Variants in TEK observed in about 807,000 individuals in gnomAD.
TEK encodes the protein TEK receptor tyrosine kinase.
A neutral mutation model predicts 131.8 loss-of-function variants in TEK; 43 were observed. The ratio of observed to expected loss-of-function variants is 0.33; its 90% confidence interval spans 0.26 to 0.42. The LOEUF is 0.42. TEK is among the 10% of genes least tolerant of loss of function. TEK has a pLI of 1.00. For synonymous variants in TEK, 580 were observed against 491.6 expected (o/e 1.18, Z -2.38); for missense variants, 1,162 against 1,384.4 (o/e 0.84, Z 2.55).
At chr9:27,196,515 C>T (rs983327323) in intron 11 of TEK, among the ~76,000 whole-genome samples, 10 of 152,146 alleles carry the variant, frequency 6.6e-5, no homozygotes, top group African/African-American at 2.4e-4. Context: ...TTGTATTAGT[C>T]TGTACTTGCA....
chr9:27,171,472 A>G (rs904884875), intron 4 of TEK, among the ~76,000 whole-genome samples: 1 of 152,194 alleles, frequency 6.6e-6, no homozygotes, highest in Non-Finnish European at 1.5e-5. Context: ...CAGAGTAGGC[A>G]CGTGTATAAT....
At chr9:27,142,214 G>GT (rs1170323478) in intron 1 of TEK, among the ~76,000 whole-genome samples, 1 of 152,218 alleles carries the variant, frequency 6.6e-6, no homozygotes, top group Non-Finnish European at 1.5e-5. Context: ...TGAAAGAGTT[G>GT]TTGACAATAA....
chr9:27,171,319 C>A (rs143668355), intron 4 of TEK, among the ~76,000 whole-genome samples: 2 of 152,260 alleles, frequency 1.3e-5, no homozygotes, highest in African/African-American at 4.8e-5. Flanking sequence ...CTAACGATTG[C>A]CATCTCCAAT....
intron 2 of TEK, among the ~76,000 whole-genome samples, chr9:27,160,323 ACTTT>A (rs1210340070): frequency 6.6e-6 from 1 of 152,112 alleles, no homozygotes; most frequent in Non-Finnish European, 1.5e-5. Context: ...ACCAGGCCTG[ACTTT>A]TAGAAAGCTG....
At chr9:27,166,208 T>C (rs930846041) in intron 2 of TEK, among the ~76,000 whole-genome samples, 1 of 152,260 alleles carries the variant, frequency 6.6e-6, no homozygotes, top group Non-Finnish European at 1.5e-5. Context: ...AGGTGCATTC[T>C]GGTCAGAGAA....
At chr9:27,195,349 TA>T (rs1337663014) in intron 11 of TEK, among the ~76,000 whole-genome samples, 1 of 151,434 alleles carries the variant, frequency 6.6e-6, no homozygotes, top group African/African-American at 2.4e-5. Flanking sequence ...TCTCAACCTT[TA>T]AAAAAAAATG....
At chr9:27,121,463 A>T (rs1342479986) in intron 1 of TEK, among the ~76,000 whole-genome samples, 1 of 149,362 alleles carries the variant, frequency 6.7e-6, no homozygotes, top group Non-Finnish European at 1.5e-5. Flanking sequence ...TTTTTTTTTT[A>T]TTTTATAAAT....
In TEK at chr9:27,109,658, A is replaced by AT. The variant is rs753942631; in HGVS notation, c.52+24dup. The AT allele has an allele frequency of 1.2e-4, 189 of 1,612,426 alleles. No individual in the cohort carries two copies. The highest frequency in any genetic ancestry group is 1.5e-4 in the Non-Finnish European group (177 of 1,178,912). On this transcript the variant is annotated intron_variant, in intron 1 of 22. Transcript: ENST00000380036. ...CTCCTTTCTGGTAAGGTTTGGCTTT[A>AT]TTTTTTTTAATTTAGTATTTTAAAA...
intron 1 of TEK, among the ~76,000 whole-genome samples, chr9:27,116,885 G>C (rs1352609463): frequency 7.7e-6 from 1 of 130,306 alleles, no homozygotes; most frequent in East Asian, 2.1e-4. Context: ...TTTTTGAGTC[G>C]GAGTCTCGCT....
At chr9:27,149,714 C>T (rs541296501) in intron 1 of TEK, among the ~76,000 whole-genome samples, 7 of 152,310 alleles carry the variant, frequency 4.6e-5, no homozygotes, top group East Asian at 3.9e-4. Flanking sequence ...ACTGAGGAGA[C>T]ACTGAATTTT....
rs148524249 is a variant in TEK, at chr9:27,228,471, A to G, written c.3300+166A>G. 3.8e-3 allele frequency among the ~76,000 whole-genome samples: 575 copies of G among 152,280 alleles called. 6 individuals carry two copies. The highest frequency in any genetic ancestry group is 0.013 in the African/African-American group (554 of 41,568). ...CCCCCGCGACTTTGAAGAAGTTACAATTTTGGGGGGAAATAAGATTTCTAT... is the reference window on the plus strand; with the variant it reads ...CCCCCGCGACTTTGAAGAAGTTACAGTTTTGGGGGGAAATAAGATTTCTAT... On this transcript the variant is annotated intron_variant, in intron 22 of 22. Coordinates refer to ENST00000380036, the MANE Select transcript of TEK (RefSeq NM_000459.5).
intron 1 of TEK, among the ~76,000 whole-genome samples, chr9:27,140,977 T>A (rs1299049527): frequency 2.0e-5 from 3 of 152,080 alleles, no homozygotes. Context: ...TTGGTCCTTT[T>A]TTCTTTTAAT....
intron 1 of TEK, among the ~76,000 whole-genome samples, chr9:27,138,230 T>C (rs7039813): frequency 0.39 from 58,828 of 151,946 alleles, 12,309 homozygotes; most frequent in African/African-American, 0.49. Flanking sequence ...TGGAAGGGGA[T>C]CTGAGCGGGT....
Position 27,204,975 on chromosome 9 carries a change from C to T in TEK, c.2274C>T (p.Thr758=), listed in dbSNP as rs1481840659. The T allele has an allele frequency of 1.2e-6, 2 of 1,614,042 alleles. No individual in the cohort carries two copies. The highest frequency in any genetic ancestry group is 4.5e-5 in the East Asian group (2 of 44,872). The part of the protein sequence containing the change: ...LIAILGSAGM[T]CLTVLLAFLI... ...CCATCCTTGGCTCTGCTGGAATGAC[C>T]TGCCTGACTGTGCTGTTGGCCTTTC... Residue 758 remains threonine (T), a synonymous_variant, in exon 14 of 23, where the codon ACC becomes ACT. Transcript: ENST00000380036.
chr9:27,226,224 T>A (rs917596075), intron 21 of TEK, among the ~76,000 whole-genome samples: 7 of 152,212 alleles, frequency 4.6e-5, no homozygotes, highest in Non-Finnish European at 8.8e-5. Flanking sequence ...AGCCATCCCA[T>A]TACTGGGAAT....
intron 21 of TEK, among the ~76,000 whole-genome samples, chr9:27,225,091 C>G (rs1826259460): frequency 6.6e-6 from 1 of 152,150 alleles, no homozygotes; most frequent in Admixed American, 6.5e-5. Flanking sequence ...CAAACCACTG[C>G]TCAAGGAAAT....
At position 27,126,351 on chromosome 9, in the gene TEK, G is replaced by T. The variant is rs568959463; in HGVS notation, c.52+16709G>T. ...TAAATGGTGAAAATGGCAATAAAGA[G>T]CACAAAAATATTAAAAACTAATGCA... On this transcript the variant is annotated intron_variant, in intron 1 of 22. Transcript: ENST00000380036. 2.0e-5 allele frequency among the ~76,000 whole-genome samples: 3 copies of T among 152,236 alleles called. No individual in the cohort carries two copies. In the East Asian group the frequency reaches 5.8e-4, roughly 29 times the overall value.
chr9:27,219,000 C>T (rs180944772), intron 20 of TEK, among the ~76,000 whole-genome samples, 183 bp downstream of exon 20: 204 of 144,936 alleles, frequency 1.4e-3, no homozygotes, highest in African/African-American at 5.1e-3. Context: ...TTATACCTAA[C>T]GTCATATTTA....
chr9:27,221,064 G>A (rs775179659), intron 21 of TEK, among the ~76,000 whole-genome samples: 2 of 152,212 alleles, frequency 1.3e-5, no homozygotes, highest in African/African-American at 2.4e-5. Flanking sequence ...ACCTGGGGGA[G>A]GACGCTCCAG....
Sources: gnomAD v4.1 joint callset for allele counts (sites outside exome capture counted in the v4.1 genomes callset) on GRCh38, gnomAD v4.1.1 for gene constraint, MANE v1.5 for transcripts, NCBI Gene and HGNC (gene_info 2026-07-23, HGNC 2026-07-21) for gene names.